The following MLLT1 variants were observed in gnomAD, a reference collection of about 807,000 sequenced individuals.
MLLT1 encodes the protein MLLT1 super elongation complex subunit.
In MLLT1, 11 loss-of-function variants were observed where a neutral mutation model predicts 55.1. That is an observed-to-expected ratio of 0.20 (90% confidence interval 0.13 to 0.33). The LOEUF (loss-of-function observed/expected upper bound fraction) is 0.33, where lower values mean the gene tolerates loss of function less well. MLLT1 is among the 10% of genes least tolerant of loss of function. The pLI, the probability that MLLT1 is intolerant of heterozygous loss-of-function variation, is 1.00. For synonymous variants in MLLT1, 323 were observed against 320.1 expected (o/e 1.01, Z -0.10); for missense variants, 536 against 760.6 (o/e 0.70, Z 3.47).
chr19:6,261,665 A>G (rs560773600), intron 3 of MLLT1, among the ~76,000 whole-genome samples: 1 of 151,888 alleles, frequency 6.6e-6, no homozygotes, highest in South Asian at 2.1e-4. Flanking sequence ...AAAAGTGAAA[A>G]ACTACAGATG....
At chr19:6,261,078 C>G (rs998552089) in intron 3 of MLLT1, among the ~76,000 whole-genome samples, 1 of 152,206 alleles carries the variant, frequency 6.6e-6, no homozygotes, top group Non-Finnish European at 1.5e-5. Context: ...TCCATACGCT[C>G]ACCGGATACA....
At chr19:6,253,828 T>TTTCTTACC (rs2091238012) in intron 3 of MLLT1, among the ~76,000 whole-genome samples, 1 of 152,120 alleles carries the variant, frequency 6.6e-6, no homozygotes, top group East Asian at 1.9e-4. Context: ...AAAAAGAAGG[T>TTTCTTACC]GTGACACGGT....
chr19:6,249,383 G>A (rs1446891265), intron 3 of MLLT1, among the ~76,000 whole-genome samples: 1 of 152,094 alleles, frequency 6.6e-6, no homozygotes, highest in Non-Finnish European at 1.5e-5. Context: ...AAATATCTCT[G>A]ACCACTTCCA....
At chr19:6,242,100 G>C (rs145120614) in intron 3 of MLLT1, among the ~76,000 whole-genome samples, 29 of 152,292 alleles carry the variant, frequency 1.9e-4, no homozygotes, top group African/African-American at 6.7e-4. Flanking sequence ...CTCAGAGGGG[G>C]CTCCCTGCCT....
At chr19:6,215,344 C>G (rs2090830497) in intron 8 of MLLT1, among the ~76,000 whole-genome samples, 1 of 152,246 alleles carries the variant, frequency 6.6e-6, no homozygotes, top group South Asian at 2.1e-4. Flanking sequence ...GCAGAATCCA[C>G]CCTGAATGTC....
In MLLT1 at chr19:6,227,853, G is replaced by A. The variant is rs1244398253; in HGVS notation, c.421-751C>T. On this transcript the variant is annotated intron_variant, in intron 4 of 11. Transcript: ENST00000252674. This position sits in a 1 kb window ranked among gnomAD's most constrained non-coding sequence, Gnocchi z 5.1. ...CAAGGTCTTGAGATATCAACACTGC[G>A]AGTTAAGGAATGCCACCACCACAGA... 2.0e-5 allele frequency among the ~76,000 whole-genome samples: 3 copies of A among 152,172 alleles called. No individual in the cohort carries two copies. Among genetic ancestry groups the A allele is most frequent in the African/African-American group, 2.4e-5 (1 of 41,440 alleles).
In MLLT1 at chr19:6,228,862, C is replaced by T. The variant is rs150862661; in HGVS notation, c.420+1708G>A. ...CACCCTCAGAGGGCAGAGCGCCCAG[C>T]GCCTGGGGCAGAGACCCCCCACGGC... On this transcript the variant is annotated intron_variant, in intron 4 of 11. Transcript: ENST00000252674. Among the ~76,000 whole-genome samples the T allele has an allele frequency of 2.8e-3, 419 of 152,270 alleles. 1 individual carries two copies. The highest frequency in any genetic ancestry group is 4.9e-3 in the Non-Finnish European group (336 of 67,996).
intron 6 of MLLT1, among the ~76,000 whole-genome samples, chr19:6,221,697 T>C (rs1367420107): frequency 2.0e-5 from 3 of 151,762 alleles, no homozygotes; most frequent in Non-Finnish European, 4.4e-5. Context: ...CAAGGGTGAG[T>C]CTCCCAGATG....
chr19:6,266,688 C>A (rs774292765), intron 2 of MLLT1, among the ~76,000 whole-genome samples: 15 of 152,150 alleles, frequency 9.9e-5, no homozygotes, highest in Non-Finnish European at 1.6e-4. Flanking sequence ...AACTCCTGAT[C>A]TCAGGTGATC....
intron 3 of MLLT1, among the ~76,000 whole-genome samples, chr19:6,232,093 G>A (rs1032797729): frequency 1.3e-5 from 2 of 152,090 alleles, no homozygotes; most frequent in African/African-American, 4.8e-5. Context: ...AAAATTAGCC[G>A]AGCATGGTGG....
chr19:6,224,177 T>G (rs897771261), intron 5 of MLLT1, among the ~76,000 whole-genome samples: 4 of 152,238 alleles, frequency 2.6e-5, no homozygotes, highest in Non-Finnish European at 5.9e-5. Context: ...GCTGGCCATC[T>G]TCTTGCAAAG....
chr19:6,242,529 C>A (rs781014952), intron 3 of MLLT1, among the ~76,000 whole-genome samples: 2 of 152,162 alleles, frequency 1.3e-5, no homozygotes, highest in Admixed American at 1.3e-4. Context: ...ATATTAGTGG[C>A]AAATAACCAA....
chr19:6,224,823 G>A (rs1005812018), intron 5 of MLLT1, among the ~76,000 whole-genome samples: 1 of 152,082 alleles, frequency 6.6e-6, no homozygotes, highest in East Asian at 1.9e-4. Flanking sequence ...TCCGCCTCCC[G>A]GGTTCATGCC....
intron 1 of MLLT1, among the ~76,000 whole-genome samples, 178 bp downstream of exon 1, chr19:6,279,595 G>A (rs2144973224): frequency 6.6e-6 from 1 of 151,350 alleles, no homozygotes; most frequent in Non-Finnish European, 1.5e-5. Context: ...GCCCTGGCCG[G>A]GGTCGCGGAT....
In MLLT1 at chr19:6,222,405, G is replaced by C; in HGVS notation, c.826C>G (p.Pro276Ala). Residue 276 changes from proline to alanine, a missense_variant, in exon 6 of 12, where the codon CCC becomes GCC. By Grantham distance (27) the Pro-to-Ala change is conservative. This residue lies in a region of MLLT1 where 449 missense variants were observed against 489.0 expected (regional missense o/e 0.92). Transcript: ENST00000252674. This position sits in a 1 kb window ranked among gnomAD's most constrained non-coding sequence, Gnocchi z 4.1. ...TSPKGGPPPP[P>A]PPPPRASSKR... The stretch of plus-strand genomic sequence containing the variant: ...CTGGAAGCCCGGGGTGGGGGTGGGG[G>C]TGGGGGTGGGGGCCCACCCTTGGGG... 1 of 526,122 alleles carries C rather than the reference G, an allele frequency of 1.9e-6. No homozygotes were observed. The highest frequency in any genetic ancestry group is 2.0e-5 in the South Asian group (1 of 51,222). 32.6% of individuals were successfully genotyped at this position (526,122 alleles called of 1,614,324 possible). A position where few individuals can be genotyped will look rare whatever the true frequency, so the allele number is the denominator to read the frequency against.
At chr19:6,245,477 G>C (rs532931955) in intron 3 of MLLT1, among the ~76,000 whole-genome samples, 1 of 152,018 alleles carries the variant, frequency 6.6e-6, no homozygotes, top group Non-Finnish European at 1.5e-5. Context: ...TTGGGAGGCC[G>C]AGGTGGGCGG....
At chr19:6,253,758 A>G (rs187401393) in intron 3 of MLLT1, among the ~76,000 whole-genome samples, 1 of 152,316 alleles carries the variant, frequency 6.6e-6, no homozygotes, top group East Asian at 1.9e-4. Context: ...GACAGATAAG[A>G]GCATGTGACA....
intron 6 of MLLT1, among the ~76,000 whole-genome samples, chr19:6,221,628 C>T (rs1446365462): frequency 1.3e-5 from 2 of 152,228 alleles, no homozygotes; most frequent in African/African-American, 2.4e-5. Context: ...GAGCCGGGCA[C>T]GGACCTGTTG....
At chr19:6,276,914 T>C (rs573173790) in intron 1 of MLLT1, among the ~76,000 whole-genome samples, 1 of 152,214 alleles carries the variant, frequency 6.6e-6, no homozygotes, top group African/African-American at 2.4e-5. Context: ...CAGTGGGAAA[T>C]CCTGCTTCTT....
Sources: gnomAD v4.1 joint callset for allele counts (sites outside exome capture counted in the v4.1 genomes callset) on GRCh38, gnomAD v4.1.1 for gene constraint, gnomAD v4.1.1 regional missense constraint, Gnocchi (gnomAD v3.1) non-coding constraint, MANE v1.5 for transcripts, NCBI Gene and HGNC (gene_info 2026-07-23, HGNC 2026-07-21) for gene names.